R3HCC1: variants seen among roughly 807,000 people sequenced by gnomAD.
The protein encoded by R3HCC1 is R3H and coiled-coil domain-containing protein 1.
R3HCC1 carries 32 observed loss-of-function variants against 40.0 expected under a neutral mutation model. The ratio of observed to expected loss-of-function variants is 0.80; its 90% confidence interval spans 0.60 to 1.07. R3HCC1 has a LOEUF of 1.07. R3HCC1 is among the 50% of genes least tolerant of loss of function. R3HCC1 has a pLI of 0.00. For synonymous variants in R3HCC1, 237 were observed against 232.8 expected, an observed-to-expected ratio of 1.02 and a Z score of -0.17; for missense variants, 586 against 563.3, an observed-to-expected ratio of 1.04 and a Z score of -0.41.
At position 23,290,122 on chromosome 8, in the gene R3HCC1, G is replaced by T. The variant is rs2117120171; in HGVS notation, c.505G>T (p.Glu169Ter). 4.5e-6 allele frequency: 7 copies of T among 1,551,346 alleles called. No individual in the cohort carries two copies. The highest frequency in any genetic ancestry group is 6.1e-6 in the Non-Finnish European group (7 of 1,147,008). ...GGCCCCAGCTGGCAGGGACCCAGAA[G>T]AGCCTGGAGATGTTGGTGCTGGAGA... The change falls in exon 4 of 8, where the codon GAG becomes TAG. Residue 169 changes from glutamate (E) to a stop codon, truncating the protein, a stop_gained. Transcript: ENST00000265806. LOFTEE classifies it high-confidence loss of function.
At chr8:23,292,282 C>T (rs142786265) in intron 5 of R3HCC1, among the ~76,000 whole-genome samples, 10 of 152,110 alleles carry the variant, frequency 6.6e-5, no homozygotes, top group East Asian at 1.9e-4. Flanking sequence ...CATGTGCCAC[C>T]GTGCCCAGCT....
intron 7 of R3HCC1, chr8:23,295,488 TTTTC>T (rs1802987572): frequency 2.2e-6 from 1 of 457,620 alleles, no homozygotes; most frequent in African/African-American, 2.0e-5. Flanking sequence ...TAGACACGAG[TTTTC>T]CATGACTTCA....
At position 23,290,225 on chromosome 8, in the gene R3HCC1, A is replaced by G; in HGVS notation, c.608A>G (p.Glu203Gly). The G allele has an allele frequency of 6.4e-7, 1 of 1,551,732 alleles. No individual in the cohort carries two copies. The highest frequency in any genetic ancestry group is 8.7e-7 in the Non-Finnish European group (1 of 1,146,992). ...CTAAAGGGCCCAGGACAAAGGTGTG[A>G]GAATGAGCCACTGCTGGACCCTGTT... The change falls in exon 4 of 8, where the codon GAG becomes GGG. Residue 203 changes from glutamate to glycine, a missense_variant. Physicochemically the swap from Glu to Gly is moderately conservative, Grantham distance 98 (BLOSUM62 -2). Transcript: ENST00000265806.
chr8:23,293,451 C>A, intron 6 of R3HCC1, 78 bp downstream of exon 6: 2 of 1,135,228 alleles, frequency 1.8e-6, no homozygotes, highest in Non-Finnish European at 2.6e-6. Context: ...TGGGTAGAGG[C>A]CACCATCTCC....
chr8:23,292,423 T>C (rs927419943), intron 5 of R3HCC1, among the ~76,000 whole-genome samples: 1 of 152,034 alleles, frequency 6.6e-6, no homozygotes, highest in Non-Finnish European at 1.5e-5. Flanking sequence ...GCTAATATGG[T>C]GAAACCCTGC....
chr8:23,294,743 G>A (rs542313085), intron 6 of R3HCC1, 26 bp from the exon 7 acceptor site: 3 of 1,536,452 alleles, frequency 2.0e-6, no homozygotes, highest in South Asian at 2.4e-5. Context: ...GGAGGGAGTG[G>A]CTCCACGCCT....
intron 7 of R3HCC1, 72 bp downstream of exon 7, chr8:23,294,936 C>CCTGCGAGCAT: frequency 9.6e-7 from 1 of 1,040,570 alleles, no homozygotes; most frequent in Non-Finnish European, 1.4e-6. Flanking sequence ...TGTGTGTGTG[C>CCTGCGAGCAT]GTGTGTGTGT....
chr8:23,294,054 T>C (rs894121711), intron 6 of R3HCC1, among the ~76,000 whole-genome samples: 1 of 152,060 alleles, frequency 6.6e-6, no homozygotes, highest in Admixed American at 6.5e-5. Context: ...AGCTGGGGCC[T>C]GGGAGCGCCA....
Position 23,296,155 on chromosome 8 carries a change from CCAT to C in R3HCC1, c.*59_*61del. ...CCCGACGTAGCTGGCGCCCCCAACA[CCAT>C]AAGCCTTCACAGACGCCAGAGCAGC... On this transcript the variant is annotated 3_prime_UTR_variant, in exon 8 of 8. Transcript: ENST00000265806. 1.3e-6 allele frequency: 2 copies of C among 1,509,442 alleles called. No individual in the cohort carries two copies. Among genetic ancestry groups the C allele is most frequent in the Non-Finnish European group, 8.9e-7 (1 of 1,125,608 alleles). The allele number at this position is 1,509,442 out of a possible 1,614,324, so 93.5% of individuals were successfully genotyped here. A position where few individuals can be genotyped will look rare whatever the true frequency, so the allele number is the denominator to read the frequency against.
At chr8:23,291,295 G>T in intron 4 of R3HCC1, 66 bp from the exon 5 acceptor site, 1 of 1,508,434 alleles carries the variant, frequency 6.6e-7, no homozygotes. Context: ...CTCTCAGCGC[G>T]TGGGCTAGTG....
At chr8:23,294,951 G>A in intron 7 of R3HCC1, 87 bp downstream of exon 7, 5 of 996,622 alleles carry the variant, frequency 5.0e-6, no homozygotes, top group Non-Finnish European at 7.7e-6. Context: ...GTGTGTGTCT[G>A]GTTTGGGCAG....
intron 6 of R3HCC1, among the ~76,000 whole-genome samples, chr8:23,294,395 CAG>C (rs2117126909): frequency 6.6e-6 from 1 of 152,316 alleles, no homozygotes; most frequent in Non-Finnish European, 1.5e-5. Context: ...AGGCATGACT[CAG>C]GGCAGTGAAC....
chr8:23,295,129 T>C (rs1802974231), intron 7 of R3HCC1, among the ~76,000 whole-genome samples: 1 of 151,968 alleles, frequency 6.6e-6, no homozygotes, highest in Admixed American at 6.6e-5. Context: ...GCAGGGAGGC[T>C]CTCCTGCTCA....
chr8:23,289,439 C>T (rs1417938414), intron 3 of R3HCC1, among the ~76,000 whole-genome samples: 1 of 152,186 alleles, frequency 6.6e-6, no homozygotes, highest in Non-Finnish European at 1.5e-5. Flanking sequence ...CCTAGCATTC[C>T]TCTCAGTGAG....
In R3HCC1 at chr8:23,295,942, C is replaced by T. The variant is rs751527258; in HGVS notation, c.1193-25C>T. The T allele has an allele frequency of 1.2e-5, 19 of 1,538,352 alleles. No homozygotes were observed. The South Asian group carries it at 1.8e-4, about 15-fold the overall frequency. ...GGCAGCCACGACCTTGTGTTTAGGT[C>T]CCCACTGTGGGGCTTTCCTTCTAGA... is the stretch of plus-strand genomic sequence containing the variant. On this transcript the variant is annotated intron_variant, in intron 7 of 7. Coordinates refer to ENST00000265806, the MANE Select transcript of R3HCC1 (RefSeq NM_001136108.3).
chr8:23,288,997 TC>T lies in R3HCC1; in HGVS notation c.111-18del. The stretch of plus-strand genomic sequence containing the variant: ...AGGCCCTGGACACCTGCTCAGCACT[TC>T]TTCCCCTCCCTCCCCAGGGTTCTTC... On this transcript the variant is annotated intron_variant, in intron 2 of 7. Transcript: ENST00000265806. 1 of 1,536,262 alleles carries T rather than the reference TC, an allele frequency of 6.5e-7. No individual in the cohort carries two copies. Among genetic ancestry groups the T allele is most frequent in the Non-Finnish European group, 8.7e-7 (1 of 1,146,848 alleles).
At position 23,290,354 on chromosome 8, in the gene R3HCC1, A is replaced by AG; in HGVS notation, c.739dup (p.Glu247GlyfsTer34). ...CTGCAGCTAGACCTGGAAAAGGGGA[A>AG]GGAGAGTCTGTTGGAGAAGAGGCTG... On this transcript the variant is annotated frameshift_variant, in exon 4 of 8. Transcript: ENST00000265806. LOFTEE classifies it high-confidence loss of function. 4 of 1,551,878 alleles carry AG rather than the reference A, an allele frequency of 2.6e-6. No individual in the cohort carries two copies. The highest frequency in any genetic ancestry group is 3.5e-6 in the Non-Finnish European group (4 of 1,147,028).
chr8:23,290,210 C>T lies in R3HCC1; in HGVS notation c.593C>T (p.Pro198Leu). 6.4e-7 allele frequency: 1 copy of T among 1,551,704 alleles called. No homozygotes were observed. Among genetic ancestry groups the T allele is most frequent in the Non-Finnish European group, 8.7e-7 (1 of 1,147,000 alleles). Residue 198 changes from proline (P) to leucine (L), a missense_variant, in exon 4 of 8, where the codon CCA becomes CTA. Transcript: ENST00000265806. The stretch of plus-strand genomic sequence containing the variant: ...CAGGGAACAGAGGACCTAAAGGGCC[C>T]AGGACAAAGGTGTGAGAATGAGCCA...
At chr8:23,291,216 T>G (rs1030370632) in intron 4 of R3HCC1, 145 bp from the exon 5 acceptor site, 1 of 1,225,042 alleles carries the variant, frequency 8.2e-7, no homozygotes, top group Admixed American at 2.8e-5. Context: ...CGTCTTGACC[T>G]TGCAGCCCAG....
Sources: gnomAD v4.1 joint callset for allele counts (sites outside exome capture counted in the v4.1 genomes callset) on GRCh38, gnomAD v4.1.1 for gene constraint, MANE v1.5 for transcripts, NCBI Gene and HGNC (gene_info 2026-07-23, HGNC 2026-07-21) for gene names.